The following ABI2 variants were observed in gnomAD, a reference collection of about 807,000 sequenced individuals.
ABI2 encodes the protein abl interactor 2.
In ABI2, 25 loss-of-function variants were observed where a neutral mutation model predicts 59.2. The ratio of observed to expected loss-of-function variants is 0.42; its 90% confidence interval spans 0.31 to 0.59. The LOEUF is 0.59. Ranked by LOEUF, ABI2 falls within the 20% of genes least tolerant of loss-of-function variation. The pLI, the probability that ABI2 is intolerant of heterozygous loss-of-function variation, is 0.14. For missense variants in ABI2, 545 were observed against 681.8 expected (o/e 0.80, Z 2.23); for synonymous variants, 213 against 235.5 (o/e 0.90, Z 0.87).
At chr2:203,369,844 G>A (rs2094938205) in intron 2 of ABI2, among the ~76,000 whole-genome samples, 1 of 151,994 alleles carries the variant, frequency 6.6e-6, no homozygotes, top group Non-Finnish European at 1.5e-5. Flanking sequence ...GCTGATAGAG[G>A]CTATATTTAA....
intron 1 of ABI2, among the ~76,000 whole-genome samples, chr2:203,360,600 T>C (rs2093350859): frequency 6.6e-6 from 1 of 151,996 alleles, no homozygotes; most frequent in Admixed American, 6.6e-5. Context: ...TTTAGCAAAA[T>C]GGAGAATTTA....
chr2:203,356,150 T>A (rs2091868139), intron 1 of ABI2, among the ~76,000 whole-genome samples: 1 of 152,078 alleles, frequency 6.6e-6, no homozygotes, highest in Non-Finnish European at 1.5e-5. Context: ...ACTTAATGAG[T>A]GCAGTTAGTG....
intron 1 of ABI2, among the ~76,000 whole-genome samples, chr2:203,361,902 G>A (rs537210306): frequency 6.6e-6 from 1 of 152,308 alleles, no homozygotes; most frequent in South Asian, 2.1e-4. Context: ...TACTATATTA[G>A]TGAGGAAGGC....
chr2:203,341,617 C>G (rs560637741), intron 1 of ABI2, among the ~76,000 whole-genome samples: 1 of 151,850 alleles, frequency 6.6e-6, no homozygotes, highest in Non-Finnish European at 1.5e-5. Flanking sequence ...GGCTGAGGCA[C>G]GAGAGTTGCT....
chr2:203,415,718 A>C lies in ABI2; in HGVS notation c.1280-1190A>C, dbSNP rs915532314. Among the ~76,000 whole-genome samples, 3 of 152,112 alleles carry C rather than the reference A, an allele frequency of 2.0e-5. No homozygotes were observed. The South Asian group carries it at 6.2e-4, about 32-fold the overall frequency. On this transcript the variant is annotated intron_variant, in intron 10 of 11. Coordinates refer to ENST00000261018, the MANE Select transcript of ABI2 (RefSeq NM_001375670.1). ...GGATTGCTCAGAGAGTCACATGGGA[A>C]CTATACTGGTACCTCATAAATAAGA... is the stretch of plus-strand genomic sequence containing the variant.
intron 1 of ABI2, among the ~76,000 whole-genome samples, chr2:203,355,482 A>G (rs1267766054): frequency 6.6e-6 from 1 of 152,004 alleles, no homozygotes; most frequent in Non-Finnish European, 1.5e-5. Context: ...ACTGCACTCT[A>G]GCCTGGGCGA....
intron 4 of ABI2, among the ~76,000 whole-genome samples, chr2:203,384,290 GT>G (rs796117154): frequency 0.37 from 9,437 of 25,438 alleles, 619 homozygotes; most frequent in Non-Finnish European, 0.4. Flanking sequence ...TTTTGTTTTT[GT>G]TTTTTTTTTT....
At chr2:203,373,038 G>A (rs1189667434) in intron 2 of ABI2, among the ~76,000 whole-genome samples, 3 of 152,178 alleles carry the variant, frequency 2.0e-5, no homozygotes, top group Non-Finnish European at 2.9e-5. Context: ...ACGCAGAGAC[G>A]CTCCTCACTT....
At chr2:203,363,298 T>TA in intron 1 of ABI2, among the ~76,000 whole-genome samples, 1 of 152,364 alleles carries the variant, frequency 6.6e-6, no homozygotes, top group African/African-American at 2.4e-5. Context: ...CTTTGTATTA[T>TA]AAACAATCCA....
At position 203,394,760 on chromosome 2, in the gene ABI2, C is replaced by T. The variant is rs1000774078; in HGVS notation, c.639C>T (p.Tyr213=). The change falls in exon 6 of 12, where the codon TAC becomes TAT. Residue 213 remains tyrosine (Y), a synonymous_variant. Transcript: ENST00000261018. ...GTCCTCCAGTGGTACCAAATGATTA[C>T]GTACCTAGCCCAACCCGTAATATGG... ...PVRPPVVPND[Y]VPSPTRNMAP... is the part of the protein sequence containing the mutation. The T allele has an allele frequency of 8.1e-6, 13 of 1,614,064 alleles. No individual in the cohort carries two copies. The Middle Eastern group carries it at 5.0e-4, about 62-fold the overall frequency.
At chr2:203,363,631 C>A (rs541629108) in intron 1 of ABI2, among the ~76,000 whole-genome samples, 1 of 152,126 alleles carries the variant, frequency 6.6e-6, no homozygotes, top group Admixed American at 6.5e-5. Context: ...TGAGAACATG[C>A]GATCTTTCTG....
chr2:203,404,718 C>G (rs971890267), intron 9 of ABI2, among the ~76,000 whole-genome samples: 3 of 152,114 alleles, frequency 2.0e-5, no homozygotes, highest in African/African-American at 7.2e-5. Flanking sequence ...GCCACTACAC[C>G]CAGCTAATTT....
chr2:203,378,345 T>C (rs1307486084), intron 2 of ABI2, among the ~76,000 whole-genome samples: 1 of 152,168 alleles, frequency 6.6e-6, no homozygotes, highest in Non-Finnish European at 1.5e-5. Flanking sequence ...TCTCCGGACT[T>C]TGTGATCCGC....
At chr2:203,369,098 G>A (rs537807102) in intron 2 of ABI2, among the ~76,000 whole-genome samples, 16 of 142,254 alleles carry the variant, frequency 1.1e-4, no homozygotes, top group African/African-American at 2.9e-4. Context: ...GTCTCCCAAG[G>A]TGTTGGGATT....
chr2:203,409,837 T>C (rs1012250088), intron 9 of ABI2, among the ~76,000 whole-genome samples: 2 of 152,288 alleles, frequency 1.3e-5, no homozygotes, highest in Admixed American at 6.5e-5. Context: ...TGACTAGCTA[T>C]CCAAACAGCC....
chr2:203,410,905 C>A (rs2097642540), intron 9 of ABI2, among the ~76,000 whole-genome samples: 1 of 151,414 alleles, frequency 6.6e-6, no homozygotes, highest in Non-Finnish European at 1.5e-5. Flanking sequence ...TGCAGAAATG[C>A]TTTCCTTGAG....
chr2:203,352,521 G>A (rs780642498), intron 1 of ABI2, among the ~76,000 whole-genome samples: 50 of 151,630 alleles, frequency 3.3e-4, no homozygotes, highest in Non-Finnish European at 5.6e-4. Flanking sequence ...CCCTGTGTAG[G>A]GTTAGGCTAA....
intron 5 of ABI2, among the ~76,000 whole-genome samples, chr2:203,391,820 C>T (rs78096969): frequency 1.7e-5 from 1 of 59,886 alleles, no homozygotes; most frequent in East Asian, 5.2e-4. Flanking sequence ...GCCCCTGTCT[C>T]AAAAAAAAAA....
At chr2:203,373,688 C>A (rs2095478267) in intron 2 of ABI2, among the ~76,000 whole-genome samples, 1 of 152,088 alleles carries the variant, frequency 6.6e-6, no homozygotes, top group East Asian at 1.9e-4. Flanking sequence ...TCCCACCTTC[C>A]CAAGGGCTGA....
Sources: allele counts gnomAD v4.1 joint callset (sites outside exome capture counted in the v4.1 genomes callset), GRCh38; gene constraint gnomAD v4.1.1; transcripts MANE v1.5; gene names NCBI Gene and HGNC (gene_info 2026-07-23, HGNC 2026-07-21).